MAP3K14: variants seen among roughly 807,000 people sequenced by gnomAD.
The protein encoded by MAP3K14 is mitogen-activated protein kinase kinase kinase 14, also known as NF-kappa-beta-inducing kinase.
Under a neutral mutation model 99.2 loss-of-function variants are expected in MAP3K14, and 16 were observed. The ratio of observed to expected loss-of-function variants is 0.16; its 90% CI spans 0.11 to 0.24. The LOEUF is 0.24. Among genes scored for constraint, MAP3K14 ranks in the 10% least tolerant of loss-of-function variants. The pLI is 1.00. For synonymous variants in MAP3K14, 462 were observed against 492.4 expected (o/e 0.94, Z 0.82); for missense variants, 784 against 1,208.7 (o/e 0.65, Z 5.21).
intron 11 of MAP3K14, among the ~76,000 whole-genome samples, chr17:45,269,953 C>G (rs1023295441): frequency 1.2e-4 from 18 of 152,264 alleles, no homozygotes; most frequent in African/African-American, 4.3e-4. Flanking sequence ...AACACGTGGG[C>G]CTGAGACTGG....
intron 14 of MAP3K14, 118 bp from the exon 15 acceptor site, chr17:45,265,381 A>C: frequency 1.4e-6 from 1 of 702,906 alleles, no homozygotes; most frequent in South Asian, 1.5e-5. Context: ...ATGTAGGGGG[A>C]GCAGGTCTGG....
chr17:45,293,367 G>A (rs539865038), intron 1 of MAP3K14, among the ~76,000 whole-genome samples: 2 of 152,178 alleles, frequency 1.3e-5, no homozygotes, highest in African/African-American at 4.8e-5. Context: ...CTCCAGAGGG[G>A]GTGCAGGGCA....
At chr17:45,288,119 A>C (rs1037210416) in intron 3 of MAP3K14, among the ~76,000 whole-genome samples, 1 of 152,222 alleles carries the variant, frequency 6.6e-6, no homozygotes, top group Non-Finnish European at 1.5e-5. Flanking sequence ...TGGAGAAGGC[A>C]GACTCATGGC....
chr17:45,295,189 T>A (rs2044338073), intron 1 of MAP3K14, among the ~76,000 whole-genome samples: 1 of 152,094 alleles, frequency 6.6e-6, no homozygotes. Flanking sequence ...AATTCCAGAC[T>A]GGGAACCAGA....
intron 11 of MAP3K14, among the ~76,000 whole-genome samples, 170 bp downstream of exon 11, chr17:45,270,243 C>T (rs11574831): frequency 0.15 from 22,229 of 152,150 alleles, 1,702 homozygotes; most frequent in African/African-American, 0.19. Flanking sequence ...TGGGTCCAGG[C>T]GTGGCACTGT....
intron 6 of MAP3K14, among the ~76,000 whole-genome samples, chr17:45,283,983 C>G (rs3785802): frequency 0.79 from 120,836 of 152,038 alleles, 48,552 homozygotes; most frequent in African/African-American, 0.9. Flanking sequence ...TAAGGTCTGT[C>G]GGTCTGCAGC....
In MAP3K14 at chr17:45,266,649, G is replaced by A. The variant is rs761227285; in HGVS notation, c.2466C>T (p.Asp822=). The change falls in exon 14 of 16, where the codon GAC becomes GAT. Residue 822 remains aspartate, a synonymous_variant. Coordinates refer to ENST00000344686, the MANE Select transcript of MAP3K14 (RefSeq NM_003954.5). ...AGGAGTGTACGCCTGAGCTCAGGGT[G>A]TCCCGCGAGCTTTGAGAGGCCTTTG... ...NPSKASQSSR[D]TLSSGVHSWS... is the part of the protein sequence containing the mutation. 1.9e-6 allele frequency: 3 copies of A among 1,612,770 alleles called. No homozygotes were observed. The highest frequency in any genetic ancestry group is 2.5e-6 in the Non-Finnish European group (3 of 1,179,092).
chr17:45,294,292 T>G (rs1316831711), intron 1 of MAP3K14, among the ~76,000 whole-genome samples: 1 of 152,230 alleles, frequency 6.6e-6, no homozygotes. Context: ...CTTTGAGGCC[T>G]GATGCACAGA....
chr17:45,267,719 T>G lies in MAP3K14; in HGVS notation c.2013A>C (p.Glu671Asp). 1 of 1,613,240 alleles carries G rather than the reference T, an allele frequency of 6.2e-7. No individual in the cohort carries two copies. The highest frequency in any genetic ancestry group is 8.5e-7 in the Non-Finnish European group (1 of 1,179,832). The change falls in exon 12 of 16, where the codon GAA becomes GAC. Residue 671 changes from glutamate (E) to aspartate (D), a missense_variant. Transcript: ENST00000344686. This position sits in a 1 kb window ranked among gnomAD's most constrained non-coding sequence, Gnocchi z 5.1. ...CTTGATTTGGCGGTGGATGTCTTGGTTCTTTATATTCTCCCCTCCAAGGGC... is the reference window on the plus strand; with the variant it reads ...CTTGATTTGGCGGTGGATGTCTTGGGTCTTTATATTCTCCCCTCCAAGGGC... ...LKSPWRGEYK[E>D]PRHPPPNQAN...
intron 6 of MAP3K14, among the ~76,000 whole-genome samples, chr17:45,276,110 G>C: frequency 6.6e-6 from 1 of 152,086 alleles, no homozygotes; most frequent in Admixed American, 6.6e-5. Context: ...AGACAGAGCA[G>C]TGTTTATTCT....
At chr17:45,290,907 C>A in intron 1 of MAP3K14, 142 bp from the exon 2 acceptor site, 3 of 705,158 alleles carry the variant, frequency 4.3e-6, no homozygotes, top group Non-Finnish European at 7.1e-6. Context: ...ACTCATCCTC[C>A]AAACATCCTC....
chr17:45,286,434 A>T lies in MAP3K14; in HGVS notation c.1149T>A (p.Thr383=). 1 of 1,586,610 alleles carries T rather than the reference A, an allele frequency of 6.3e-7. No individual in the cohort carries two copies. The highest frequency in any genetic ancestry group is 8.6e-7 in the Non-Finnish European group (1 of 1,162,644). ...CAGGTGCCGGGGGATTAGTTACCTC[A>T]GTGAGCAGGACACCCTCGTTGTCCT... The part of the protein sequence containing the change: ...KTEDNEGVLL[T]EKLKPVDYEY... Residue 383 remains threonine (T), a synonymous_variant, in exon 5 of 16, where the codon ACT becomes ACA. Transcript: ENST00000344686. This position sits in a 1 kb window ranked among gnomAD's most constrained non-coding sequence, Gnocchi z 4.1.
At chr17:45,291,718 G>C (rs1037926681) in intron 1 of MAP3K14, among the ~76,000 whole-genome samples, 3 of 152,242 alleles carry the variant, frequency 2.0e-5, no homozygotes, top group East Asian at 1.9e-4. Context: ...CTTTTTAAAG[G>C]CTGGGAGTTT....
At chr17:45,270,918 T>A in intron 10 of MAP3K14, 140 bp downstream of exon 10, 1 of 1,206,092 alleles carries the variant, frequency 8.3e-7, no homozygotes, top group Non-Finnish European at 1.2e-6. Flanking sequence ...GGGTGGCAAG[T>A]ATTTGAATTA....
chr17:45,310,427 C>A (rs2044465629), intron 1 of MAP3K14, among the ~76,000 whole-genome samples: 1 of 152,160 alleles, frequency 6.6e-6, no homozygotes, highest in African/African-American at 2.4e-5. Flanking sequence ...CTAGTATGGA[C>A]CAGAAACACC....
chr17:45,270,613 T>C, intron 10 of MAP3K14, 50 bp from the exon 11 acceptor site: 3 of 1,499,664 alleles, frequency 2.0e-6, no homozygotes, highest in South Asian at 2.7e-5. Flanking sequence ...CATTTCCTGA[T>C]ACCCGGCTGT....
Position 45,269,722 on chromosome 17 carries a change from T to C in MAP3K14, c.1972+691A>G, listed in dbSNP as rs559394304. 5.3e-5 allele frequency among the ~76,000 whole-genome samples: 8 copies of C among 152,246 alleles called. No individual in the cohort carries two copies. The South Asian group carries it at 1.7e-3, about 32-fold the overall frequency. On this transcript the variant is annotated intron_variant, in intron 11 of 15. Transcript: ENST00000344686. ...CTTCTGGTAGCTGGGCACATGGAGG[T>C]TCCTGGAGGGTGCCAAGCCCTGGAA...
intron 1 of MAP3K14, among the ~76,000 whole-genome samples, chr17:45,304,254 T>C (rs1039437479): frequency 3.9e-5 from 6 of 152,194 alleles, no homozygotes; most frequent in Non-Finnish European, 5.9e-5. Context: ...TCCACCCGCC[T>C]TGGCCTCCCA....
At chr17:45,276,980 C>T (rs1252933741) in intron 6 of MAP3K14, among the ~76,000 whole-genome samples, 1 of 151,692 alleles carries the variant, frequency 6.6e-6, no homozygotes, top group East Asian at 1.9e-4. Context: ...CAGGCACGTG[C>T]CACCACATCC....
Sources: allele counts gnomAD v4.1 joint callset (sites outside exome capture counted in the v4.1 genomes callset), GRCh38; gene constraint gnomAD v4.1.1; non-coding constraint Gnocchi (gnomAD v3.1); transcripts MANE v1.5; gene names NCBI Gene and HGNC (gene_info 2026-07-23, HGNC 2026-07-21).